Variants in SART1 observed in about 807,000 individuals in gnomAD.
The protein encoded by SART1 is spliceosome associated factor 1, recruiter of U4/U6.U5 tri-snRNP.
A neutral mutation model predicts 105.0 loss-of-function variants in SART1; 28 were observed. That is an observed-to-expected ratio of 0.27 (90% confidence interval 0.20 to 0.37). The LOEUF (loss-of-function observed/expected upper bound fraction) is 0.37, where lower values mean the gene tolerates loss of function less well. Among genes scored for constraint, SART1 ranks in the 10% least tolerant of loss-of-function variants. The probability of loss-of-function intolerance (pLI) is 1.00; values close to 1 mark genes in which losing one functional copy is unlikely to be tolerated. For missense variants in SART1, 894 were observed against 1,106.5 expected (o/e 0.81, Z 2.72); for synonymous variants, 472 against 462.9 (o/e 1.02, Z -0.25).
chr11:65,978,457 C>G lies in SART1; in HGVS notation c.2173-143C>G. On this transcript the variant is annotated intron_variant, in intron 17 of 19. Coordinates refer to ENST00000312397, the MANE Select transcript of SART1 (RefSeq NM_005146.5). This position sits in a 1 kb window ranked among gnomAD's most constrained non-coding sequence, Gnocchi z 6.8. ...CCTGCAGGGTGCCAGCGTCTGTGCTCTTTTCCCATCCCCTTCCCACTGCAC... is the reference window on the plus strand; with the variant it reads ...CCTGCAGGGTGCCAGCGTCTGTGCTGTTTTCCCATCCCCTTCCCACTGCAC... 1 of 781,666 alleles carries G rather than the reference C, an allele frequency of 1.3e-6. No individual in the cohort carries two copies. Among genetic ancestry groups the G allele is most frequent in the Non-Finnish European group, 2.1e-6 (1 of 475,274 alleles). 48.4% of individuals were successfully genotyped at this position (781,666 alleles called of 1,614,324 possible).
chr11:65,976,994 C>A lies in SART1; in HGVS notation c.1858-20C>A, dbSNP rs748499624. On this transcript the variant is annotated intron_variant, in intron 14 of 19. Transcript: ENST00000312397. The surrounding 1 kb of genome is among the most constrained non-coding windows in gnomAD (Gnocchi z 5.1). ...AGAGCCGGTATGGCCTGCTAACCACCCCCGCCACGTGTCCCGTAGTTCTCT... is the reference window on the plus strand; with the variant it reads ...AGAGCCGGTATGGCCTGCTAACCACACCCGCCACGTGTCCCGTAGTTCTCT... The A allele has an allele frequency of 1.6e-5, 25 of 1,604,654 alleles. No individual in the cohort carries two copies. The South Asian group carries it at 2.4e-4, about 16-fold the overall frequency.
rs528348040 is a variant in SART1, at chr11:65,976,833, G to A, written c.1857+67G>A. ...CAAGCTGGAGATGAGCACCGGGCTC[G>A]GTGTCCAGAGCCTCAGCCTCCTCAT... On this transcript the variant is annotated intron_variant, in intron 14 of 19. Coordinates refer to ENST00000312397, the MANE Select transcript of SART1 (RefSeq NM_005146.5). This position sits in a 1 kb window ranked among gnomAD's most constrained non-coding sequence, Gnocchi z 5.1. 2.5e-5 allele frequency: 34 copies of A among 1,361,760 alleles called. No individual in the cohort carries two copies. The highest frequency in any genetic ancestry group is 1.3e-4 in the South Asian group (10 of 78,228). The allele number at this position is 1,361,760 out of a possible 1,614,324, so 84.4% of individuals were successfully genotyped here. A position where few individuals can be genotyped will look rare whatever the true frequency, so the allele number is the denominator to read the frequency against.
chr11:65,976,345 G>T lies in SART1; in HGVS notation c.1573-50G>T. The T allele has an allele frequency of 6.8e-7, 1 of 1,466,242 alleles. No individual in the cohort carries two copies. The highest frequency in any genetic ancestry group is 9.0e-7 in the Non-Finnish European group (1 of 1,108,236). The allele number at this position is 1,466,242 out of a possible 1,614,324, so 90.8% of individuals were successfully genotyped here. Reference sequence around the variant, plus strand: ...ACCCTTAGGTTCCTGGGTCTCAATGGCATCACCCCAGAAACTGCTGGGTTT... The same window carrying T: ...ACCCTTAGGTTCCTGGGTCTCAATGTCATCACCCCAGAAACTGCTGGGTTT... On this transcript the variant is annotated intron_variant, in intron 12 of 19. Transcript: ENST00000312397. The surrounding 1 kb of genome is among the most constrained non-coding windows in gnomAD (Gnocchi z 5.1).
At position 65,978,920 on chromosome 11, in the gene SART1, T is replaced by A. The variant is rs780480222; in HGVS notation, c.2384+6T>A. ...AGCGGCAAGAGCATGAACGCGTGAG[T>A]GGCTCGAGGCTGGTGGGGTAGGGTG... On this transcript the variant is annotated splice_donor_region_variant and intron_variant, in intron 19 of 19. Coordinates refer to ENST00000312397, the MANE Select transcript of SART1 (RefSeq NM_005146.5). This position sits in a 1 kb window ranked among gnomAD's most constrained non-coding sequence, Gnocchi z 6.8. 6.2e-7 allele frequency: 1 copy of A among 1,611,864 alleles called. No homozygotes were observed. Among genetic ancestry groups the A allele is most frequent in the South Asian group, 1.1e-5 (1 of 91,032 alleles).
At chr11:65,973,444 CAGAA>C (rs1266408967) in intron 12 of SART1, among the ~76,000 whole-genome samples, 1 of 152,154 alleles carries the variant, frequency 6.6e-6, no homozygotes, top group Non-Finnish European at 1.5e-5. Context: ...GGAGGGATCA[CAGAA>C]AGGTGAACCA....
chr11:65,962,751 T>C (rs1024020309), intron 1 of SART1, among the ~76,000 whole-genome samples: 4 of 152,156 alleles, frequency 2.6e-5, no homozygotes, highest in Admixed American at 2.6e-4. Flanking sequence ...AGGAGGGCTA[T>C]AGGCCAGGGG....
intron 12 of SART1, among the ~76,000 whole-genome samples, chr11:65,968,780 G>A (rs1237374950): frequency 6.6e-6 from 1 of 152,176 alleles, no homozygotes; most frequent in African/African-American, 2.4e-5. Context: ...GGTGGCGTGA[G>A]CTGAGATGGA....
chr11:65,965,334 C>T lies in SART1; in HGVS notation c.555-8C>T, dbSNP rs371662642. On this transcript the variant is annotated splice_polypyrimidine_tract_variant and splice_region_variant and intron_variant, in intron 4 of 19. Coordinates refer to ENST00000312397, the MANE Select transcript of SART1 (RefSeq NM_005146.5). ...GGCTCCTTGAGCATCACTTTTTCCC[C>T]TCTTCAGGAAGATAAAGACCCTAGG... The T allele has an allele frequency of 6.3e-7, 1 of 1,592,722 alleles. No homozygotes were observed. The highest frequency in any genetic ancestry group is 1.1e-5 in the South Asian group (1 of 88,450).
At chr11:65,970,062 A>G (rs1555059535) in intron 12 of SART1, among the ~76,000 whole-genome samples, 2 of 152,078 alleles carry the variant, frequency 1.3e-5, no homozygotes, top group Non-Finnish European at 2.9e-5. Context: ...CACCCCACAC[A>G]CTGTGCAGGC....
Position 65,967,674 on chromosome 11 carries a change from C to T in SART1, c.1430-5C>T. 1 of 1,577,010 alleles carries T rather than the reference C, an allele frequency of 6.3e-7. No individual in the cohort carries two copies. The highest frequency in any genetic ancestry group is 8.6e-7 in the Non-Finnish European group (1 of 1,161,194). On this transcript the variant is annotated splice_polypyrimidine_tract_variant and splice_region_variant and intron_variant, in intron 11 of 19. Coordinates refer to ENST00000312397, the MANE Select transcript of SART1 (RefSeq NM_005146.5). ...CTGAGCAGGCATCCCCTGTGTTTCC[C>T]CCAGAGGAAGGTGGAGCTCCACCGC...
rs948098606 is a variant in SART1 at position 65,965,439 on chromosome 11, G to A, written c.652G>A (p.Glu218Lys). Residue 218 changes from glutamate to lysine, a missense_variant, in exon 5 of 20, where the codon GAG (glutamate) becomes AAG (lysine). By Grantham distance (56) the Glu-to-Lys change is moderately conservative (BLOSUM62 1). This residue lies in a region of SART1 where 712 missense variants were observed against 778.2 expected (regional missense o/e 0.91). Coordinates refer to ENST00000312397, the MANE Select transcript of SART1 (RefSeq NM_005146.5). ...RQLQKEKDLA[E>K]KRAKLLEEMD... Reference sequence around the variant, plus strand: ...GCTGCAGAAGGAGAAGGACCTGGCAGAGAAGAGGGTGAGCACCTGGGCAGC... The same window carrying A: ...GCTGCAGAAGGAGAAGGACCTGGCAAAGAAGAGGGTGAGCACCTGGGCAGC... 4 of 1,556,692 alleles carry A rather than the reference G, an allele frequency of 2.6e-6. No individual in the cohort carries two copies. The highest frequency in any genetic ancestry group is 3.5e-6 in the Non-Finnish European group (4 of 1,150,616).
chr11:65,963,909 A>T, intron 1 of SART1, 165 bp from the exon 2 acceptor site: 1 of 631,974 alleles, frequency 1.6e-6, no homozygotes, highest in Non-Finnish European at 2.8e-6. Flanking sequence ...ACTCGGGCAG[A>T]GGAGCTGCTG....
chr11:65,972,004 A>T (rs550308031), intron 12 of SART1, among the ~76,000 whole-genome samples: 9 of 151,966 alleles, frequency 5.9e-5, no homozygotes, highest in African/African-American at 2.2e-4. Flanking sequence ...GCTCACTGCA[A>T]TTTCCACCTC....
intron 3 of SART1, 95 bp from the exon 4 acceptor site, chr11:65,964,997 G>A: frequency 6.9e-7 from 1 of 1,442,978 alleles, no homozygotes; most frequent in Middle Eastern, 2.6e-4. Context: ...GACCCCTTCT[G>A]GCCCCCTGAG....
chr11:65,973,392 A>G (rs925335837), intron 12 of SART1, among the ~76,000 whole-genome samples: 8 of 152,154 alleles, frequency 5.3e-5, no homozygotes, highest in African/African-American at 1.9e-4. Context: ...ACAGAAGAGA[A>G]AGCCTAACTC....
chr11:65,966,161 G>A lies in SART1; in HGVS notation c.924G>A (p.Lys308=), dbSNP rs1465026455. 3 of 1,614,056 alleles carry A rather than the reference G, an allele frequency of 1.9e-6. No homozygotes were observed. Among genetic ancestry groups the A allele is most frequent in the Non-Finnish European group, 2.5e-6 (3 of 1,180,028 alleles). ...ERAEKNVELR[K]KKPDYLPYAE... is the part of the protein sequence containing the mutation. Reference sequence around the variant, plus strand: ...CAGAGAAAAATGTGGAGCTGCGGAAGAAGAAGCCTGACTACCTGCCCTATG... The same window carrying A: ...CAGAGAAAAATGTGGAGCTGCGGAAAAAGAAGCCTGACTACCTGCCCTATG... Residue 308 remains lysine, a synonymous_variant, in exon 8 of 20, where the codon AAG becomes AAA. Coordinates refer to ENST00000312397, the MANE Select transcript of SART1 (RefSeq NM_005146.5).
In SART1 at chr11:65,967,824, G is replaced by A. The variant is rs1396863177; in HGVS notation, c.1572+3G>A. The A allele has an allele frequency of 2.6e-6, 4 of 1,526,910 alleles. No homozygotes were observed. Among genetic ancestry groups the A allele is most frequent in the Non-Finnish European group, 3.5e-6 (4 of 1,134,212 alleles). The allele number at this position is 1,526,910 out of a possible 1,614,324, so 94.6% of individuals were successfully genotyped here. A position where few individuals can be genotyped will look rare whatever the true frequency, so the allele number is the denominator to read the frequency against. ...AGCTGCGAGACAGTGGCGAGAAGGT[G>A]AGGCTGGGCATGGGCAGGGTGACTG... On this transcript the variant is annotated splice_donor_region_variant and intron_variant, in intron 12 of 19. Coordinates refer to ENST00000312397, the MANE Select transcript of SART1 (RefSeq NM_005146.5).
Position 65,976,821 on chromosome 11 carries a change from A to G in SART1, c.1857+55A>G, listed in dbSNP as rs986769518. ...TTTGGGGGTGCTCAAGCTGGAGATG[A>G]GCACCGGGCTCGGTGTCCAGAGCCT... On this transcript the variant is annotated intron_variant, in intron 14 of 19. Transcript: ENST00000312397. The surrounding 1 kb of genome is among the most constrained non-coding windows in gnomAD (Gnocchi z 5.1). 2.8e-6 allele frequency: 4 copies of G among 1,440,136 alleles called. No individual in the cohort carries two copies. Among genetic ancestry groups the G allele is most frequent in the African/African-American group, 2.8e-5 (2 of 71,210 alleles). 89.2% of individuals were successfully genotyped at this position (1,440,136 alleles called of 1,614,324 possible). A position where few individuals can be genotyped will look rare whatever the true frequency, so the allele number is the denominator to read the frequency against.
At chr11:65,962,134 G>GGGGGGGGGCCCCC in intron 1 of SART1, 41 bp downstream of exon 1, 1 of 378,092 alleles carries the variant, frequency 2.6e-6, no homozygotes. Flanking sequence ...GTCGGGCGGG[G>GGGGGGGGGCCCCC]GTCCCGGAAC....
Sources: allele counts gnomAD v4.1 joint callset (sites outside exome capture counted in the v4.1 genomes callset), GRCh38; gene constraint gnomAD v4.1.1; regional missense constraint gnomAD v4.1.1; non-coding constraint Gnocchi (gnomAD v3.1); transcripts MANE v1.5; gene names NCBI Gene and HGNC (gene_info 2026-07-23, HGNC 2026-07-21).